DSCAM: variants seen among roughly 807,000 people sequenced by gnomAD.
DSCAM encodes the protein cell adhesion molecule DSCAM.
In DSCAM, 47 loss-of-function variants were observed where a neutral mutation model predicts 217.7. The ratio of observed to expected loss-of-function variants is 0.22; its 90% CI spans 0.17 to 0.28. DSCAM has a LOEUF of 0.28. Ranked by LOEUF, DSCAM falls within the 10% of genes least tolerant of loss-of-function variation. The probability of loss-of-function intolerance (pLI) is 1.00; values close to 1 mark genes in which losing one functional copy is unlikely to be tolerated. For missense variants in DSCAM, 2,080 were observed against 2,618.3 expected (o/e 0.79, Z 4.49); for synonymous variants, 1,056 against 1,015.3 (o/e 1.04, Z -0.76).
chr21:40,605,791 CTTTTTT>C (rs755767800), intron 3 of DSCAM, among the ~76,000 whole-genome samples: 34 of 62,002 alleles, frequency 5.5e-4, no homozygotes, highest in African/African-American at 1.8e-3. Context: ...AATGCACATT[CTTTTTT>C]TTTTTTTTTT....
At chr21:40,210,738 T>G (rs1369055518) in intron 11 of DSCAM, among the ~76,000 whole-genome samples, 2 of 152,114 alleles carry the variant, frequency 1.3e-5, no homozygotes, top group Non-Finnish European at 2.9e-5. Context: ...GGAGATAGGG[T>G]TCCACCATGT....
chr21:40,058,200 C>T (rs931976131), intron 28 of DSCAM, among the ~76,000 whole-genome samples: 2 of 152,094 alleles, frequency 1.3e-5, no homozygotes. Context: ...TCTCTTTGCA[C>T]TTGGCTGTTC....
intron 11 of DSCAM, among the ~76,000 whole-genome samples, chr21:40,250,712 CG>C (rs1370333174): frequency 6.6e-6 from 1 of 152,172 alleles, no homozygotes; most frequent in Non-Finnish European, 1.5e-5. Context: ...TGCACTGGGT[CG>C]GGGCTGACGT....
At chr21:40,465,148 T>C (rs1249641374) in intron 3 of DSCAM, among the ~76,000 whole-genome samples, 3 of 152,298 alleles carry the variant, frequency 2.0e-5, no homozygotes, top group African/African-American at 4.8e-5. Context: ...CATGTACATA[T>C]AAGATCTTGC....
intron 8 of DSCAM, among the ~76,000 whole-genome samples, chr21:40,335,670 T>C (rs1314212630): frequency 6.6e-6 from 1 of 152,236 alleles, no homozygotes; most frequent in Non-Finnish European, 1.5e-5. Context: ...AGAAGTTCAT[T>C]TGATGCCTCA....
intron 23 of DSCAM, among the ~76,000 whole-genome samples, chr21:40,084,632 T>C (rs2089507874): frequency 6.6e-6 from 1 of 151,722 alleles, no homozygotes; most frequent in African/African-American, 2.4e-5. Flanking sequence ...TACATACTGG[T>C]AAGTAAGTCT....
intron 11 of DSCAM, among the ~76,000 whole-genome samples, chr21:40,195,525 T>C (rs1306193523): frequency 6.6e-6 from 1 of 152,192 alleles, no homozygotes; most frequent in Non-Finnish European, 1.5e-5. Context: ...CGGTCCTATT[T>C]GAAAACCATC....
chr21:40,755,678 C>T (rs185668135), intron 1 of DSCAM, among the ~76,000 whole-genome samples: 3 of 152,134 alleles, frequency 2.0e-5, no homozygotes, highest in East Asian at 3.9e-4. Flanking sequence ...AGCACCCTGG[C>T]CCCCCAAGGT....
chr21:40,493,309 C>A (rs12482840), intron 3 of DSCAM, among the ~76,000 whole-genome samples: 13,488 of 152,068 alleles, frequency 0.089, 700 homozygotes, highest in Middle Eastern at 0.16. Context: ...CACCAGCAGA[C>A]CCCTTTTACA....
chr21:40,272,585 T>A (rs563893608), intron 11 of DSCAM, among the ~76,000 whole-genome samples: 4 of 152,292 alleles, frequency 2.6e-5, no homozygotes, highest in African/African-American at 9.6e-5. Context: ...GGAGAAACCC[T>A]CTGTGCAGGG....
At chr21:40,736,476 T>A (rs1188363131) in intron 1 of DSCAM, among the ~76,000 whole-genome samples, 1 of 152,180 alleles carries the variant, frequency 6.6e-6, no homozygotes, top group African/African-American at 2.4e-5. Context: ...ATGTATCTTG[T>A]CATGGTTCTG....
At chr21:40,807,799 C>T (rs1248384072) in intron 1 of DSCAM, among the ~76,000 whole-genome samples, 1 of 152,000 alleles carries the variant, frequency 6.6e-6, no homozygotes. Flanking sequence ...GGGCCAAAAG[C>T]CTGAATTTCT....
intron 1 of DSCAM, among the ~76,000 whole-genome samples, chr21:40,764,715 G>A (rs917272813): frequency 1.2e-4 from 18 of 152,250 alleles, no homozygotes; most frequent in African/African-American, 3.9e-4. Flanking sequence ...ACCCATCAAT[G>A]ATAGACTGGA....
chr21:40,795,358 T>C (rs1160274652), intron 1 of DSCAM, among the ~76,000 whole-genome samples: 1 of 152,156 alleles, frequency 6.6e-6, no homozygotes, highest in Non-Finnish European at 1.5e-5. Context: ...CCCACAATTT[T>C]TTTTTTTTCG....
At chr21:40,645,666 CTCTA>C (rs1476368148) in intron 3 of DSCAM, among the ~76,000 whole-genome samples, 4 of 152,152 alleles carry the variant, frequency 2.6e-5, no homozygotes, top group East Asian at 1.9e-4. Flanking sequence ...CAATCCAATT[CTCTA>C]TCTGAGGTAA....
intron 19 of DSCAM, among the ~76,000 whole-genome samples, chr21:40,132,610 T>A (rs1277173662): frequency 6.6e-6 from 1 of 152,108 alleles, no homozygotes; most frequent in Non-Finnish European, 1.5e-5. Context: ...GACATTACAA[T>A]GTGAGAAGGG....
At chr21:40,552,421 T>A (rs924299782) in intron 3 of DSCAM, among the ~76,000 whole-genome samples, 1 of 152,230 alleles carries the variant, frequency 6.6e-6, no homozygotes, top group Admixed American at 6.5e-5. Flanking sequence ...ACACTGCATT[T>A]CTCAAATCTG....
At chr21:40,436,355 C>T (rs919144013) in intron 3 of DSCAM, among the ~76,000 whole-genome samples, 7 of 152,110 alleles carry the variant, frequency 4.6e-5, no homozygotes, top group Admixed American at 3.3e-4. Context: ...ACAGTATTTT[C>T]GGGTTTAAGT....
Position 40,179,521 on chromosome 21 carries a change from C to G in DSCAM, c.2780-427G>C, listed in dbSNP as rs183785392. Among the ~76,000 whole-genome samples the G allele has an allele frequency of 3.3e-5, 5 of 152,136 alleles. No homozygotes were observed. In the South Asian group the frequency reaches 6.2e-4, roughly 19 times the overall value. Reference sequence around the variant, plus strand: ...TATGGTTTGGATAGTACCCCTGGGCCCCCCCAAAATCCCTGGCATTTGAAA... The same window carrying G: ...TATGGTTTGGATAGTACCCCTGGGCGCCCCCAAAATCCCTGGCATTTGAAA... On this transcript the variant is annotated intron_variant, in intron 14 of 32. Coordinates refer to ENST00000400454, the MANE Select transcript of DSCAM (RefSeq NM_001389.5).
Sources: allele counts gnomAD v4.1 joint callset (sites outside exome capture counted in the v4.1 genomes callset), GRCh38; gene constraint gnomAD v4.1.1; transcripts MANE v1.5; gene names NCBI Gene and HGNC (gene_info 2026-07-23, HGNC 2026-07-21).